SHROOM3: variants seen among roughly 807,000 people sequenced by gnomAD.
SHROOM3 encodes protein Shroom3.
A neutral mutation model predicts 138.6 loss-of-function variants in SHROOM3; 47 were observed. The observed-to-expected ratio is 0.34, with a 90% confidence interval of 0.27 to 0.43. The LOEUF (loss-of-function observed/expected upper bound fraction) is 0.43, where lower values mean the gene tolerates loss of function less well. SHROOM3 is among the 20% of genes least tolerant of loss of function. The pLI is 1.00. For missense variants in SHROOM3, 2,491 were observed against 2,596.5 expected (o/e 0.96, Z 0.88); for synonymous variants, 1,062 against 1,063.3 (o/e 1.00, Z 0.02).
intron 2 of SHROOM3, among the ~76,000 whole-genome samples, chr4:76,623,129 C>T (rs1735045537): frequency 6.6e-6 from 1 of 152,216 alleles, no homozygotes; most frequent in African/African-American, 2.4e-5. Context: ...TGTGACTCCT[C>T]TTTCAAGTTT....
At chr4:76,773,695 G>A (rs1409560333) in intron 10 of SHROOM3, among the ~76,000 whole-genome samples, 1 of 152,172 alleles carries the variant, frequency 6.6e-6, no homozygotes, top group African/African-American at 2.4e-5. Context: ...GAGGCAGCCA[G>A]GGATACATGC....
intron 2 of SHROOM3, among the ~76,000 whole-genome samples, chr4:76,692,948 A>C (rs1042529913): frequency 5.9e-5 from 9 of 152,236 alleles, no homozygotes; most frequent in African/African-American, 2.2e-4. Flanking sequence ...ACACCCATCG[A>C]ACTGAACACC....
In SHROOM3 at chr4:76,491,370, AG is replaced by A. The variant is rs201952232; in HGVS notation, c.168+55151del. 7.8e-3 allele frequency among the ~76,000 whole-genome samples: 1,191 copies of A among 152,332 alleles called. 9 individuals carry two copies. Among genetic ancestry groups the A allele is most frequent in the Middle Eastern group, 0.024 (7 of 294 alleles). ...CACTGCCCCACAAAGCATACTGGTTAGTGGGAAATGTGGCAGCTCTTTCTTC... is the reference window on the plus strand; with the variant it reads ...CACTGCCCCACAAAGCATACTGGTTATGGGAAATGTGGCAGCTCTTTCTTC... On this transcript the variant is annotated intron_variant, in intron 1 of 10. Coordinates refer to ENST00000296043, the MANE Select transcript of SHROOM3 (RefSeq NM_020859.4).
chr4:76,596,581 AACACACACACACACAC>A lies in SHROOM3; in HGVS notation c.323+40847_323+40862del, dbSNP rs58214296. ...ATAGGTAGGTAGATAGGTACAGAGA[AACACACACACACACAC>A]ACACACACACACACACACACACACA... On this transcript the variant is annotated intron_variant, in intron 2 of 10. Transcript: ENST00000296043. 3.2e-3 allele frequency among the ~76,000 whole-genome samples: 445 copies of A among 138,224 alleles called. 1 individual carries two copies. Among genetic ancestry groups the A allele is most frequent in the African/African-American group, 0.011 (398 of 37,014 alleles). The allele number at this position is 138,224 out of a possible 152,430, so 90.7% of individuals were successfully genotyped here. A position where few individuals can be genotyped will look rare whatever the true frequency, so the allele number is the denominator to read the frequency against.
chr4:76,468,628 T>G lies in SHROOM3; in HGVS notation c.168+32408T>G, dbSNP rs1250841837. ...AATATATATACATATATCTAAATAT[T>G]TACACATTAGTTTAAGCAAGATTAT... On this transcript the variant is annotated intron_variant, in intron 1 of 10. Coordinates refer to ENST00000296043, the MANE Select transcript of SHROOM3 (RefSeq NM_020859.4). Among the ~76,000 whole-genome samples, 7 of 151,672 alleles carry G rather than the reference T, an allele frequency of 4.6e-5. No individual in the cohort carries two copies. In the East Asian group the frequency reaches 1.4e-3, roughly 29 times the overall value.
At position 76,740,110 on chromosome 4, in the gene SHROOM3, G is replaced by A; in HGVS notation, c.1937G>A (p.Gly646Asp). 1 of 1,613,736 alleles carries A rather than the reference G, an allele frequency of 6.2e-7. No individual in the cohort carries two copies. Among genetic ancestry groups the A allele is most frequent in the African/African-American group, 1.3e-5 (1 of 75,054 alleles). ...ANLWRRLERE[G>D]LGQSLSGNFG... ...CTCTGGAGGAGGCTGGAGAGAGAAG[G>A]CCTAGGCCAGAGCCTGTCAGGCAAC... Residue 646 changes from glycine to aspartate, a missense_variant, in exon 5 of 11, where the codon GGC becomes GAC. Coordinates refer to ENST00000296043, the MANE Select transcript of SHROOM3 (RefSeq NM_020859.4). This position sits in a 1 kb window ranked among gnomAD's most constrained non-coding sequence, Gnocchi z 4.0.
At chr4:76,555,789 C>T (rs1560544564) in intron 2 of SHROOM3, 26 bp downstream of exon 2, 1 of 1,605,912 alleles carries the variant, frequency 6.2e-7, no homozygotes, top group South Asian at 1.1e-5. Flanking sequence ...CCACCCTGTC[C>T]CTCCTACCAC....
chr4:76,682,415 A>G (rs1719224849), intron 2 of SHROOM3, among the ~76,000 whole-genome samples: 1 of 152,152 alleles, frequency 6.6e-6, no homozygotes, highest in Admixed American at 6.6e-5. Flanking sequence ...AGCAGGCAAG[A>G]TCTTGAATTC....
At chr4:76,773,837 C>G (rs532564006) in intron 10 of SHROOM3, among the ~76,000 whole-genome samples, 1 of 152,236 alleles carries the variant, frequency 6.6e-6, no homozygotes, top group Admixed American at 6.5e-5. Flanking sequence ...AAGAGTGGAC[C>G]TGGAGAGGCA....
At chr4:76,772,497 T>C (rs1347382337) in intron 10 of SHROOM3, among the ~76,000 whole-genome samples, 4 of 152,324 alleles carry the variant, frequency 2.6e-5, no homozygotes, top group Middle Eastern at 6.8e-3. Context: ...CTTTTTCAAA[T>C]AGATTTTAAA....
At chr4:76,745,621 T>C (rs1721408709) in intron 5 of SHROOM3, among the ~76,000 whole-genome samples, 1 of 152,232 alleles carries the variant, frequency 6.6e-6, no homozygotes, top group Admixed American at 6.5e-5. Flanking sequence ...AATGTGAAGA[T>C]ACAAATAGCT....
chr4:76,769,400 T>A (rs1225068796), intron 9 of SHROOM3, among the ~76,000 whole-genome samples: 1 of 151,826 alleles, frequency 6.6e-6, no homozygotes, highest in Non-Finnish European at 1.5e-5. Flanking sequence ...TATTTTAGGC[T>A]AAGAGAAAAA....
At chr4:76,451,948 C>T (rs1405689762) in intron 1 of SHROOM3, among the ~76,000 whole-genome samples, 2 of 152,174 alleles carry the variant, frequency 1.3e-5, no homozygotes, top group Non-Finnish European at 2.9e-5. Flanking sequence ...CTCAAGCCAT[C>T]CTCCTGCCTC....
intron 1 of SHROOM3, among the ~76,000 whole-genome samples, chr4:76,498,026 A>G (rs1732006026): frequency 6.6e-6 from 1 of 152,158 alleles, no homozygotes; most frequent in African/African-American, 2.4e-5. Flanking sequence ...TGGTTTTAGC[A>G]GGGAAGCAAT....
At chr4:76,531,079 G>A (rs1472456680) in intron 1 of SHROOM3, among the ~76,000 whole-genome samples, 1 of 152,104 alleles carries the variant, frequency 6.6e-6, no homozygotes, top group Non-Finnish European at 1.5e-5. Context: ...CTTGCACTCA[G>A]TGTACATATA....
At position 76,740,457 on chromosome 4, in the gene SHROOM3, G is replaced by C. The variant is rs1384762055; in HGVS notation, c.2284G>C (p.Gly762Arg). 6.2e-7 allele frequency: 1 copy of C among 1,611,448 alleles called. No individual in the cohort carries two copies. The highest frequency in any genetic ancestry group is 1.7e-5 in the Admixed American group (1 of 59,880). ...ATCCAGTCTGGGCCGGAGGGGGCCC[G>C]GCCCAGGCAGCGCCTCGGCTCTTCA... The part of the protein sequence containing the change: ...HTSSLGRRGP[G>R]PGSASALQGF... The change falls in exon 5 of 11, where the codon GGC becomes CGC. Residue 762 changes from glycine (G) to arginine (R), a missense_variant. Gly to Arg is a moderately radical substitution (Grantham distance 125). This residue lies in a region of SHROOM3 where 1,733 missense variants were observed against 1,661.6 expected (regional missense o/e 1.04). Transcript: ENST00000296043. This position sits in a 1 kb window ranked among gnomAD's most constrained non-coding sequence, Gnocchi z 4.0.
At chr4:76,650,519 A>ATT (rs1735931111) in intron 2 of SHROOM3, among the ~76,000 whole-genome samples, 4 of 145,508 alleles carry the variant, frequency 2.7e-5, no homozygotes, top group Non-Finnish European at 3.0e-5. Flanking sequence ...TTTTTTAAGT[A>ATT]TATTTATTTA....
chr4:76,732,524 C>T (rs759265704), intron 4 of SHROOM3, among the ~76,000 whole-genome samples: 1 of 152,204 alleles, frequency 6.6e-6, no homozygotes, highest in Non-Finnish European at 1.5e-5. Context: ...GTTACAGATG[C>T]TCCTCTCCCT....
At chr4:76,511,154 C>G (rs951767252) in intron 1 of SHROOM3, among the ~76,000 whole-genome samples, 4 of 151,136 alleles carry the variant, frequency 2.6e-5, no homozygotes, top group Admixed American at 6.6e-5. Context: ...TGCACTCCAG[C>G]CTGGGCAACA....
Sources: allele counts gnomAD v4.1 joint callset (sites outside exome capture counted in the v4.1 genomes callset), GRCh38; gene constraint gnomAD v4.1.1; regional missense constraint gnomAD v4.1.1; non-coding constraint Gnocchi (gnomAD v3.1); transcripts MANE v1.5; gene names NCBI Gene and HGNC (gene_info 2026-07-23, HGNC 2026-07-21).